Variants in LMBRD1 observed in about 807,000 individuals in gnomAD.
The protein encoded by LMBRD1 is LMBR1 domain containing 1, also known as lysosomal cobalamin transport escort protein LMBD1.
A neutral mutation model predicts 74.8 loss-of-function variants in LMBRD1; 64 were observed. The ratio of observed to expected loss-of-function variants is 0.86; its 90% CI spans 0.70 to 1.05. LMBRD1 has a LOEUF of 1.05. Ranked by LOEUF, LMBRD1 falls within the 50% of genes least tolerant of loss-of-function variation. The pLI is 0.00. For synonymous variants in LMBRD1, 204 were observed against 216.3 expected, an observed-to-expected ratio of 0.94 and a Z score of 0.50; for missense variants, 652 against 645.9, an observed-to-expected ratio of 1.01 and a Z score of -0.10.
intron 1 of LMBRD1, among the ~76,000 whole-genome samples, chr6:69,795,192 A>G (rs566882112): frequency 2.0e-4 from 30 of 152,240 alleles, no homozygotes; most frequent in Non-Finnish European, 4.1e-4. Context: ...AATTTAAACA[A>G]AAGTCCTTCT....
intron 7 of LMBRD1, among the ~76,000 whole-genome samples, chr6:69,723,331 T>G (rs759705881): frequency 6.6e-6 from 1 of 152,168 alleles, no homozygotes; most frequent in Non-Finnish European, 1.5e-5. Flanking sequence ...CTAATAGACA[T>G]TTAAAGAACA....
chr6:69,692,431 G>A (rs1765907362), intron 14 of LMBRD1, among the ~76,000 whole-genome samples: 1 of 151,988 alleles, frequency 6.6e-6, no homozygotes, highest in African/African-American at 2.4e-5. Flanking sequence ...CAATAACAAA[G>A]ATAAAATAAT....
intron 3 of LMBRD1, among the ~76,000 whole-genome samples, chr6:69,774,827 T>C (rs1765655259): frequency 6.6e-6 from 1 of 151,774 alleles, no homozygotes; most frequent in South Asian, 2.1e-4. Context: ...GTGTGGTGGC[T>C]TATGCCTGTA....
At chr6:69,776,959 C>G (rs1008408869) in intron 3 of LMBRD1, among the ~76,000 whole-genome samples, 5 of 151,868 alleles carry the variant, frequency 3.3e-5, no homozygotes, top group Non-Finnish European at 1.5e-5. Flanking sequence ...CTAGTATGAC[C>G]AACATGGCAA....
At chr6:69,744,967 A>G (rs568243758) in intron 5 of LMBRD1, among the ~76,000 whole-genome samples, 4 of 149,328 alleles carry the variant, frequency 2.7e-5, no homozygotes, top group Admixed American at 1.3e-4. Flanking sequence ...CTCAGCCTCC[A>G]GAGTAGCTAG....
chr6:69,738,791 A>G (rs550552946), intron 6 of LMBRD1, among the ~76,000 whole-genome samples: 2 of 152,236 alleles, frequency 1.3e-5, no homozygotes, highest in East Asian at 3.9e-4. Flanking sequence ...GTTTTAATAC[A>G]GGTCCTATTA....
intron 7 of LMBRD1, among the ~76,000 whole-genome samples, chr6:69,729,873 AG>A (rs1005338802): frequency 2.6e-5 from 4 of 152,034 alleles, no homozygotes; most frequent in African/African-American, 9.7e-5. Context: ...GATTATGATA[AG>A]CTTGACATAG....
intron 7 of LMBRD1, among the ~76,000 whole-genome samples, chr6:69,732,579 A>G (rs1267540031): frequency 2.0e-5 from 3 of 152,148 alleles, no homozygotes; most frequent in Admixed American, 6.5e-5. Flanking sequence ...AAAATATTAA[A>G]TGTTTTATTT....
Position 69,749,355 on chromosome 6 carries a change from C to CAGTG in LMBRD1, c.455_458dup (p.Leu154ThrfsTer16). On this transcript the variant is annotated frameshift_variant, in exon 5 of 16. Coordinates refer to ENST00000649934, the MANE Select transcript of LMBRD1 (RefSeq NM_018368.4). LOFTEE classifies it high-confidence loss of function. The stretch of plus-strand genomic sequence containing the variant: ...TCAAGACTTACCCAACTAAAAGAAG[C>CAGTG]AGTGCACAAATCACAACAAATCCCA... 6.2e-7 allele frequency: 1 copy of CAGTG among 1,607,574 alleles called. No homozygotes were observed. Among genetic ancestry groups the CAGTG allele is most frequent in the Non-Finnish European group, 8.5e-7 (1 of 1,177,448 alleles).
At chr6:69,727,201 A>C (rs892313852) in intron 7 of LMBRD1, among the ~76,000 whole-genome samples, 6 of 152,296 alleles carry the variant, frequency 3.9e-5, no homozygotes, top group African/African-American at 1.2e-4. Context: ...AAAGAATATA[A>C]TTGGACTGTT....
intron 3 of LMBRD1, among the ~76,000 whole-genome samples, chr6:69,760,137 ACTC>A (rs1562116103): frequency 6.6e-6 from 1 of 152,142 alleles, no homozygotes; most frequent in Admixed American, 6.6e-5. Context: ...TATCCGTTTG[ACTC>A]CTATGTATGT....
chr6:69,704,907 G>GTTTTTT (rs61054932), intron 9 of LMBRD1, among the ~76,000 whole-genome samples: 38 of 137,308 alleles, frequency 2.8e-4, no homozygotes, highest in African/African-American at 7.7e-4. Flanking sequence ...TTGGACATTT[G>GTTTTTT]TTTTTTTTTT....
chr6:69,706,706 A>G lies in LMBRD1; in HGVS notation c.916-4753T>C, dbSNP rs1029983784. On this transcript the variant is annotated intron_variant, in intron 9 of 15. Transcript: ENST00000649934. Reference sequence around the variant, plus strand: ...ATTCTCCTATTACTATTATATTTCAATCTCTACCTTCTGGAATCTCCCATA... The same window carrying G: ...ATTCTCCTATTACTATTATATTTCAGTCTCTACCTTCTGGAATCTCCCATA... 2.6e-4 allele frequency among the ~76,000 whole-genome samples: 40 copies of G among 152,114 alleles called. 1 individual carries two copies. Among genetic ancestry groups the G allele is most frequent in the Admixed American group, 2.5e-3 (38 of 15,258 alleles).
At chr6:69,724,648 A>T (rs1177381814) in intron 7 of LMBRD1, among the ~76,000 whole-genome samples, 1 of 151,392 alleles carries the variant, frequency 6.6e-6, no homozygotes, top group Non-Finnish European at 1.5e-5. Flanking sequence ...ATGCTGAAAA[A>T]GCATTTGATA....
At chr6:69,682,586 A>T (rs1254366030) in intron 14 of LMBRD1, among the ~76,000 whole-genome samples, 1 of 151,990 alleles carries the variant, frequency 6.6e-6, no homozygotes, top group African/African-American at 2.4e-5. Flanking sequence ...AAAATGTAGA[A>T]ATGGTATAAT....
intron 5 of LMBRD1, among the ~76,000 whole-genome samples, chr6:69,743,894 C>T (rs539294158): frequency 6.6e-5 from 10 of 152,260 alleles, no homozygotes; most frequent in Admixed American, 5.9e-4. Flanking sequence ...GGTATAAAAG[C>T]ATGTCAACCT....
At chr6:69,727,197 T>A (rs749286882) in intron 7 of LMBRD1, among the ~76,000 whole-genome samples, 1 of 152,128 alleles carries the variant, frequency 6.6e-6, no homozygotes, top group Non-Finnish European at 1.5e-5. Flanking sequence ...ACTAAAAGAA[T>A]ATAATTGGAC....
At chr6:69,752,137 CT>C in intron 4 of LMBRD1, 121 bp downstream of exon 4, 1 of 856,994 alleles carries the variant, frequency 1.2e-6, no homozygotes. Flanking sequence ...TTTAATTTAG[CT>C]AACATTGTAT....
Position 69,738,033 on chromosome 6 carries a change from C to CT in LMBRD1, c.563-19dup, listed in dbSNP as rs1361260704. ...TAAACCATCTGTGAAGAAAGAAAAACTGTTAAAAATGTACATATATACTAC... is the reference window on the plus strand; with the variant it reads ...TAAACCATCTGTGAAGAAAGAAAAACTTGTTAAAAATGTACATATATACTAC... On this transcript the variant is annotated intron_variant, in intron 6 of 15. Transcript: ENST00000649934. 2 of 1,581,166 alleles carry CT rather than the reference C, an allele frequency of 1.3e-6. No homozygotes were observed. Among genetic ancestry groups the CT allele is most frequent in the African/African-American group, 1.4e-5 (1 of 74,070 alleles).
Sources: allele counts gnomAD v4.1 joint callset (sites outside exome capture counted in the v4.1 genomes callset), GRCh38; gene constraint gnomAD v4.1.1; transcripts MANE v1.5; gene names NCBI Gene and HGNC (gene_info 2026-07-23, HGNC 2026-07-21).